Variants in LIPM observed in about 807,000 individuals in gnomAD.
LIPM encodes lipase family member M, also known as lipase member M.
Under a neutral mutation model 42.4 loss-of-function variants are expected in LIPM, and 42 were observed. That is an observed-to-expected ratio of 0.99 (90% CI 0.77 to 1.28). The LOEUF (loss-of-function observed/expected upper bound fraction) is 1.28. Ranked by LOEUF, LIPM falls within the 50% of genes most tolerant of loss-of-function variation. LIPM has a pLI of 0.00. For missense variants in LIPM, 524 were observed against 520.1 expected (o/e 1.01, Z -0.07); for synonymous variants, 177 against 173.3 (o/e 1.02, Z -0.17).
chr10:88,808,598 A>C (rs1843617269), intron 2 of LIPM, among the ~76,000 whole-genome samples, 183 bp downstream of exon 2: 1 of 152,160 alleles, frequency 6.6e-6, no homozygotes. Context: ...CCCCACTGCC[A>C]CCAATTATCT....
chr10:88,814,476 T>G, intron 3 of LIPM, 54 bp from the exon 4 acceptor site: 7 of 1,285,826 alleles, frequency 5.4e-6, no homozygotes, highest in Non-Finnish European at 6.6e-6. Context: ...GGGGGGAGCT[T>G]TTGTTTGTTT....
intron 8 of LIPM, among the ~76,000 whole-genome samples, chr10:88,818,619 G>A (rs992014341): frequency 8.5e-5 from 13 of 152,132 alleles, no homozygotes; most frequent in Non-Finnish European, 1.5e-5. Flanking sequence ...GTGTATGAAT[G>A]TAAATAAATA....
chr10:88,813,105 C>A lies in LIPM; in HGVS notation c.274C>A (p.Pro92Thr). The A allele has an allele frequency of 6.3e-7, 1 of 1,590,964 alleles. No individual in the cohort carries two copies. The highest frequency in any genetic ancestry group is 8.6e-7 in the Non-Finnish European group (1 of 1,167,992). ...LVQPKKTGSR[P>T]VVLLQHGLVG... ...ATTTTCTCTTTTTGCAGGTTCCAGG[C>A]CTGTGGTGTTACTGCAGCATGGCCT... Residue 92 changes from proline to threonine, a missense_variant, in exon 3 of 9, where the codon CCT becomes ACT. Physicochemically the swap from Pro to Thr is conservative, Grantham distance 38. Coordinates refer to ENST00000404743, the MANE Select transcript of LIPM (RefSeq NM_001128215.1).
chr10:88,815,561 C>T (rs368948657), intron 6 of LIPM, 58 bp downstream of exon 6: 18 of 1,486,976 alleles, frequency 1.2e-5, no homozygotes, highest in African/African-American at 9.8e-5. Context: ...AGTCATATGG[C>T]TCACCCCTGG....
At chr10:88,806,643 C>A (rs4933486) in intron 1 of LIPM, among the ~76,000 whole-genome samples, 50,888 of 151,892 alleles carry the variant, frequency 0.34, 8,812 homozygotes, top group Middle Eastern at 0.55. Flanking sequence ...TTTAACAAAC[C>A]CTCTAAGTAA....
chr10:88,818,117 T>G (rs941399373), intron 8 of LIPM, among the ~76,000 whole-genome samples: 3 of 152,228 alleles, frequency 2.0e-5, no homozygotes, highest in Admixed American at 2.0e-4. Flanking sequence ...TAGCTGAGGC[T>G]GTCTCCCTAA....
Position 88,808,428 on chromosome 10 carries a change from C to T in LIPM, c.265+13C>T. The T allele has an allele frequency of 7.1e-7, 1 of 1,405,232 alleles. No homozygotes were observed. The highest frequency in any genetic ancestry group is 9.9e-7 in the Non-Finnish European group (1 of 1,013,360). 87.0% of individuals were successfully genotyped at this position (1,405,232 alleles called of 1,614,324 possible). A position where few individuals can be genotyped will look rare whatever the true frequency, so the allele number is the denominator to read the frequency against. ...CCTAAGAAGACAGGTGTGGGTCACC[C>T]CATGTCACCGCAACACAGCAGTCTT... On this transcript the variant is annotated intron_variant, in intron 2 of 8. Transcript: ENST00000404743.
intron 1 of LIPM, among the ~76,000 whole-genome samples, chr10:88,806,689 A>C (rs1038088540): frequency 1.3e-5 from 2 of 151,814 alleles, no homozygotes; most frequent in Non-Finnish European, 2.9e-5. Context: ...CACTTCTATA[A>C]ATTTTTTTTT....
chr10:88,807,185 C>T (rs1451027967), intron 1 of LIPM, among the ~76,000 whole-genome samples: 1 of 152,078 alleles, frequency 6.6e-6, no homozygotes, highest in Admixed American at 6.6e-5. Context: ...TGCAACAGTC[C>T]CATGGAGTAT....
At chr10:88,813,803 G>A (rs1429267926) in intron 3 of LIPM, among the ~76,000 whole-genome samples, 1 of 152,138 alleles carries the variant, frequency 6.6e-6, no homozygotes, top group African/African-American at 2.4e-5. Context: ...GGCAGAAGGT[G>A]AAGGGGAAGC....
intron 1 of LIPM, chr10:88,806,071 C>T (rs1221604687): frequency 2.2e-6 from 1 of 451,284 alleles, no homozygotes; most frequent in Non-Finnish European, 4.5e-6. Flanking sequence ...CAGCTAAGGC[C>T]ATTCCTACAG....
At chr10:88,803,114 T>C in intron 1 of LIPM, 71 bp downstream of exon 1, 2 of 1,444,672 alleles carry the variant, frequency 1.4e-6, no homozygotes, top group Non-Finnish European at 1.9e-6. Context: ...ATTTACATTA[T>C]GTATTATATT....
chr10:88,803,638 T>G (rs1211320217), intron 1 of LIPM, among the ~76,000 whole-genome samples: 1 of 150,456 alleles, frequency 6.6e-6, no homozygotes, highest in Non-Finnish European at 1.5e-5. Context: ...TTTTTTTTTT[T>G]TGGTAGCTTT....
At chr10:88,814,152 A>G (rs933930307) in intron 3 of LIPM, among the ~76,000 whole-genome samples, 12 of 152,202 alleles carry the variant, frequency 7.9e-5, no homozygotes, top group African/African-American at 2.9e-4. Context: ...TTTTATGGCT[A>G]TCAGAGACGG....
At chr10:88,806,528 G>A (rs145651084) in intron 1 of LIPM, among the ~76,000 whole-genome samples, 53 of 152,256 alleles carry the variant, frequency 3.5e-4, no homozygotes, top group African/African-American at 1.2e-3. Context: ...AAGGATAGTT[G>A]TCAGATCAGC....
intron 1 of LIPM, 88 bp from the exon 2 acceptor site, chr10:88,808,210 A>T: frequency 1.4e-6 from 1 of 733,124 alleles, no homozygotes; most frequent in South Asian, 1.7e-5. Context: ...TGTGTTTTAC[A>T]GCATCAAGGA....
At chr10:88,819,189 C>G (rs1357887616) in intron 8 of LIPM, among the ~76,000 whole-genome samples, 1 of 151,920 alleles carries the variant, frequency 6.6e-6, no homozygotes, top group Non-Finnish European at 1.5e-5. Flanking sequence ...TGTGCCCGGC[C>G]CTAAGATGGC....
At chr10:88,820,088 A>G (rs1843768602) in intron 8 of LIPM, 144 bp from the exon 9 acceptor site, 1 of 642,592 alleles carries the variant, frequency 1.6e-6, no homozygotes, top group Non-Finnish European at 2.6e-6. Flanking sequence ...GGGAACAGAA[A>G]TTCTTAACAG....
rs1843610803 is a variant in LIPM at position 88,808,169 on chromosome 10, T to C, written c.148-129T>C. 1.8e-5 allele frequency: 11 copies of C among 604,876 alleles called. No homozygotes were observed. The South Asian group carries it at 2.1e-4, about 11-fold the overall frequency. The allele number at this position is 604,876 out of a possible 1,614,324, so 37.5% of individuals were successfully genotyped here. A position where few individuals can be genotyped will look rare whatever the true frequency, so the allele number is the denominator to read the frequency against. On this transcript the variant is annotated intron_variant, in intron 1 of 8. Coordinates refer to ENST00000404743, the MANE Select transcript of LIPM (RefSeq NM_001128215.1). ...GTTAGCAGATTTTTCTAAGGTAACA[T>C]GATTAGCTAGGGAAAAGCAAGGACT...
Sources: allele counts gnomAD v4.1 joint callset (sites outside exome capture counted in the v4.1 genomes callset), GRCh38; gene constraint gnomAD v4.1.1; transcripts MANE v1.5; gene names NCBI Gene and HGNC (gene_info 2026-07-23, HGNC 2026-07-21).